The following ERI3 variants were observed in gnomAD, a reference collection of about 807,000 sequenced individuals.
The protein encoded by ERI3 is ERI1 exoribonuclease 3.
Under a neutral mutation model 44.4 loss-of-function variants are expected in ERI3, and 18 were observed. The observed-to-expected ratio is 0.41, with a 90% CI of 0.28 to 0.60. The LOEUF (loss-of-function observed/expected upper bound fraction) is 0.60. Among genes scored for constraint, ERI3 ranks in the 20% least tolerant of loss-of-function variants. The pLI is 0.36. For missense variants in ERI3, 294 were observed against 435.5 expected (o/e 0.68, Z 2.89); for synonymous variants, 183 against 164.8 (o/e 1.11, Z -0.84).
intron 6 of ERI3, among the ~76,000 whole-genome samples, chr1:44,302,384 C>A (rs1349229599): frequency 6.6e-6 from 1 of 152,224 alleles, no homozygotes; most frequent in East Asian, 1.9e-4. Flanking sequence ...CTTACTCAAG[C>A]CCCTTCCCCC....
At chr1:44,254,188 C>G (rs549444203) in intron 7 of ERI3, among the ~76,000 whole-genome samples, 1 of 152,268 alleles carries the variant, frequency 6.6e-6, no homozygotes, top group Non-Finnish European at 1.5e-5. Context: ...TGGACGTTGC[C>G]TCTCAATTTC....
chr1:44,339,409 C>A, intron 2 of ERI3, 87 bp from the exon 3 acceptor site: 1 of 1,367,340 alleles, frequency 7.3e-7, no homozygotes, highest in South Asian at 1.6e-5. Flanking sequence ...TACTCCCTCC[C>A]ACTGTGGCCC....
At chr1:44,236,527 C>A (rs1379918877) in intron 8 of ERI3, among the ~76,000 whole-genome samples, 1 of 151,972 alleles carries the variant, frequency 6.6e-6, no homozygotes, top group Non-Finnish European at 1.5e-5. Context: ...AAGCTGAGCT[C>A]TGAGGGATGA....
At chr1:44,344,968 T>C (rs541376472) in intron 2 of ERI3, among the ~76,000 whole-genome samples, 2 of 152,150 alleles carry the variant, frequency 1.3e-5, no homozygotes, top group East Asian at 1.9e-4. Flanking sequence ...TGGAGGATGG[T>C]CTCTGTGCAG....
rs539759289 is a variant in ERI3, at chr1:44,259,689, G to GACACACACACACAGACAC, written c.832-11652_832-11651insGTGTCTGTGTGTGTGTGT. On this transcript the variant is annotated intron_variant, in intron 7 of 8. Transcript: ENST00000372257. ...AAATCCTATCTCTACAAAACACACAGACACACACACACACACACACACACA... is the reference window on the plus strand; with the variant it reads ...AAATCCTATCTCTACAAAACACACAGACACACACACACAGACACACACACACACACACACACACACACA... 5.1e-4 allele frequency among the ~76,000 whole-genome samples: 72 copies of GACACACACACACAGACAC among 140,382 alleles called. 1 individual carries two copies. Among genetic ancestry groups the GACACACACACACAGACAC allele is most frequent in the African/African-American group, 1.9e-3 (70 of 36,054 alleles). 92.1% of individuals were successfully genotyped at this position (140,382 alleles called of 152,430 possible). A position where few individuals can be genotyped will look rare whatever the true frequency, so the allele number is the denominator to read the frequency against.
intron 2 of ERI3, among the ~76,000 whole-genome samples, chr1:44,352,235 A>G (rs971674877): frequency 3.3e-5 from 5 of 152,216 alleles, no homozygotes; most frequent in African/African-American, 7.2e-5. Context: ...CCAAAAGGTG[A>G]CATGCAACCT....
intron 5 of ERI3, among the ~76,000 whole-genome samples, chr1:44,310,964 C>A (rs1271563078): frequency 1.5e-4 from 2 of 13,652 alleles, no homozygotes; most frequent in East Asian, 2.3e-3. Context: ...CGCGCGCGCG[C>A]ACACACACAC....
chr1:44,332,623 T>G (rs374592600), intron 3 of ERI3, among the ~76,000 whole-genome samples: 3 of 152,240 alleles, frequency 2.0e-5, no homozygotes, highest in East Asian at 3.8e-4. Context: ...CCCCGAGATG[T>G]ATATTTTGCT....
At chr1:44,227,678 G>A (rs1005482952) in intron 8 of ERI3, among the ~76,000 whole-genome samples, 25 of 152,244 alleles carry the variant, frequency 1.6e-4, no homozygotes, top group African/African-American at 6.0e-4. Flanking sequence ...TGCAGTTTAA[G>A]GTTTAGCATC....
chr1:44,263,502 G>C (rs1483043564), intron 7 of ERI3, among the ~76,000 whole-genome samples: 1 of 152,238 alleles, frequency 6.6e-6, no homozygotes, highest in Non-Finnish European at 1.5e-5. Flanking sequence ...TGGCAGATCA[G>C]ATAGCCTCAG....
At chr1:44,266,597 G>A (rs548277039) in intron 7 of ERI3, among the ~76,000 whole-genome samples, 1 of 152,322 alleles carries the variant, frequency 6.6e-6, no homozygotes, top group South Asian at 2.1e-4. Flanking sequence ...GACCAGTGAC[G>A]GCTAGGATTT....
intron 5 of ERI3, among the ~76,000 whole-genome samples, chr1:44,309,387 T>C (rs1422728878): frequency 6.6e-6 from 1 of 151,862 alleles, no homozygotes; most frequent in Admixed American, 6.6e-5. Context: ...CCCAGCTACT[T>C]GGGAGGCTGA....
At chr1:44,290,425 A>G (rs887752841) in intron 6 of ERI3, among the ~76,000 whole-genome samples, 5 of 152,190 alleles carry the variant, frequency 3.3e-5, no homozygotes, top group Non-Finnish European at 5.9e-5. Flanking sequence ...TTCCATGCAG[A>G]GTTGCCACAC....
At chr1:44,225,964 C>T (rs1644028621) in intron 8 of ERI3, among the ~76,000 whole-genome samples, 1 of 152,276 alleles carries the variant, frequency 6.6e-6, no homozygotes, top group South Asian at 2.1e-4. Context: ...AGCTCCCTGC[C>T]TTCAAGGAAC....
At chr1:44,337,730 A>C (rs951860757) in intron 3 of ERI3, among the ~76,000 whole-genome samples, 1 of 152,196 alleles carries the variant, frequency 6.6e-6, no homozygotes, top group Non-Finnish European at 1.5e-5. Context: ...GCTTTATGTA[A>C]AATAATTTAC....
At chr1:44,242,338 C>T (rs1201838812) in intron 8 of ERI3, among the ~76,000 whole-genome samples, 3 of 152,238 alleles carry the variant, frequency 2.0e-5, no homozygotes. Flanking sequence ...CAATGCATCA[C>T]CACTCAGGTC....
At chr1:44,310,034 T>C (rs1343163588) in intron 5 of ERI3, among the ~76,000 whole-genome samples, 3 of 152,180 alleles carry the variant, frequency 2.0e-5, no homozygotes, top group Non-Finnish European at 4.4e-5. Context: ...GTTTCCTTCA[T>C]CTATAAAATC....
intron 6 of ERI3, among the ~76,000 whole-genome samples, chr1:44,302,299 G>C (rs750395261): frequency 9.8e-5 from 15 of 152,352 alleles, no homozygotes; most frequent in Non-Finnish European, 1.8e-4. Flanking sequence ...AATTAGTTCA[G>C]GAGGGGAGCC....
At chr1:44,257,821 C>T (rs1179098257) in intron 7 of ERI3, among the ~76,000 whole-genome samples, 6 of 152,188 alleles carry the variant, frequency 3.9e-5, no homozygotes, top group Non-Finnish European at 5.9e-5. Context: ...TGACCAAACC[C>T]AACTCCCTGG....
Sources: allele counts gnomAD v4.1 joint callset (sites outside exome capture counted in the v4.1 genomes callset), GRCh38; gene constraint gnomAD v4.1.1; transcripts MANE v1.5; gene names NCBI Gene and HGNC (gene_info 2026-07-23, HGNC 2026-07-21).